RRP1B: variants seen among roughly 807,000 people sequenced by gnomAD.
RRP1B encodes the protein ribosomal RNA processing 1B.
A neutral mutation model predicts 80.2 loss-of-function variants in RRP1B; 56 were observed. The ratio of observed to expected loss-of-function variants is 0.70; its 90% CI spans 0.56 to 0.87. RRP1B has a LOEUF of 0.87. Ranked by LOEUF, RRP1B falls within the 40% of genes least tolerant of loss-of-function variation. The probability of loss-of-function intolerance (pLI) is 0.00; values close to 1 mark genes in which losing one functional copy is unlikely to be tolerated. For missense variants in RRP1B, 807 were observed against 939.8 expected, an observed-to-expected ratio of 0.86 and a Z score of 1.85; for synonymous variants, 351 against 357.6, an observed-to-expected ratio of 0.98 and a Z score of 0.21.
chr21:43,673,634 CAAAAAA>C (rs557525643), intron 3 of RRP1B, among the ~76,000 whole-genome samples: 1 of 66,076 alleles, frequency 1.5e-5, no homozygotes, highest in African/African-American at 3.9e-5. Context: ...ACCCCGTCTC[CAAAAAA>C]AAAAAAAAAA....
chr21:43,660,928 A>T (rs994128920), intron 1 of RRP1B, among the ~76,000 whole-genome samples: 2 of 152,238 alleles, frequency 1.3e-5, no homozygotes, highest in Admixed American at 6.5e-5. Flanking sequence ...GAGCCCATAC[A>T]ATATGAACTA....
rs372795311 is a variant in RRP1B, at chr21:43,693,187, C to T, written c.2084-3C>T. On this transcript the variant is annotated splice_polypyrimidine_tract_variant and splice_region_variant and intron_variant, in intron 15 of 15. Transcript: ENST00000340648. The surrounding 1 kb of genome is among the most constrained non-coding windows in gnomAD (Gnocchi z 4.1). ...TATGGGGCCTTGCTCTCATTTGGGA[C>T]AGAATTCAAGAAGACAGACAAGAGT... is the stretch of plus-strand genomic sequence containing the variant. 2.5e-6 allele frequency: 4 copies of T among 1,613,758 alleles called. No individual in the cohort carries two copies. In the African/African-American group the frequency reaches 5.3e-5, roughly 22 times the overall value.
At position 43,687,001 on chromosome 21, in the gene RRP1B, C is replaced by T. The variant is rs1601760438; in HGVS notation, c.1141+66C>T. ...TGGGGAGCGGCATGCACCATGGAGG[C>T]CTCGGAGACTTGAGCTCGTGCCGTC... On this transcript the variant is annotated intron_variant, in intron 12 of 15. Coordinates refer to ENST00000340648, the MANE Select transcript of RRP1B (RefSeq NM_015056.3). 6 of 1,550,148 alleles carry T rather than the reference C, an allele frequency of 3.9e-6. No homozygotes were observed. The East Asian group carries it at 1.1e-4, about 29-fold the overall frequency.
Position 43,683,371 on chromosome 21 carries a change from C to T in RRP1B, c.889C>T (p.Gln297Ter). 6.2e-7 allele frequency: 1 copy of T among 1,612,558 alleles called. No homozygotes were observed. Among genetic ancestry groups the T allele is most frequent in the Non-Finnish European group, 8.5e-7 (1 of 1,178,590 alleles). ...GTFEDTGPLL[Q>*]FDYKAVADRL... is the part of the protein sequence containing the mutation. ...CTTTGAGGACACAGGGCCCCTTCTC[C>T]AGGTGGGTAGCAGTTGTTGCTTTTT... The change falls in exon 9 of 16, where the codon CAG (glutamine) becomes TAG (stop). Residue 297 changes from glutamine to a stop codon, truncating the protein, a stop_gained and splice_region_variant. Transcript: ENST00000340648. LOFTEE classifies it high-confidence loss of function.
chr21:43,671,098 T>C (rs192634762), intron 2 of RRP1B, among the ~76,000 whole-genome samples: 122 of 151,862 alleles, frequency 8.0e-4, no homozygotes, highest in African/African-American at 2.9e-3. Context: ...TGATGAGGAG[T>C]GTGCTTTTCT....
intron 8 of RRP1B, among the ~76,000 whole-genome samples, chr21:43,680,914 A>G (rs948017240): frequency 5.3e-5 from 8 of 152,050 alleles, no homozygotes; most frequent in African/African-American, 1.7e-4. Flanking sequence ...GTACTTCTCT[A>G]TTTCCTACAG....
chr21:43,680,287 C>T (rs61439366), intron 8 of RRP1B, among the ~76,000 whole-genome samples: 3 of 152,004 alleles, frequency 2.0e-5, no homozygotes, highest in African/African-American at 4.8e-5. Flanking sequence ...CGGCCGGGCG[C>T]GGTGGCCCAG....
intron 15 of RRP1B, among the ~76,000 whole-genome samples, chr21:43,692,898 C>T (rs569737000): frequency 6.6e-6 from 1 of 152,228 alleles, no homozygotes; most frequent in South Asian, 2.1e-4. Context: ...TCCAAAACAC[C>T]CCCACCCCCA....
chr21:43,687,560 C>T lies in RRP1B; in HGVS notation c.1186C>T (p.Leu396Phe). 1.3e-6 allele frequency: 2 copies of T among 1,502,970 alleles called. No individual in the cohort carries two copies. Among genetic ancestry groups the T allele is most frequent in the Non-Finnish European group, 1.8e-6 (2 of 1,134,326 alleles). The allele number at this position is 1,502,970 out of a possible 1,614,324, so 93.1% of individuals were successfully genotyped here. Reference protein sequence around the residue: ...CVEEEDSESSLQKRRRKKKKK... With the variant: ...CVEEEDSESSFQKRRRKKKKK... ...AGAGGAAGAGGACAGTGAAAGCAGT[C>T]TTCAAAAGAGAAGAAGGAAGAAGAA... Residue 396 changes from leucine to phenylalanine, a missense_variant, in exon 13 of 16, where the codon CTT (leucine) becomes TTT (phenylalanine). Physicochemically the swap from Leu to Phe is conservative, Grantham distance 22. Coordinates refer to ENST00000340648, the MANE Select transcript of RRP1B (RefSeq NM_015056.3).
In RRP1B at chr21:43,689,786, C is replaced by T. The variant is rs542178715; in HGVS notation, c.1867-502C>T. Among the ~76,000 whole-genome samples the T allele has an allele frequency of 8.0e-4, 122 of 152,340 alleles. 1 individual carries two copies. The highest frequency in any genetic ancestry group is 2.8e-3 in the African/African-American group (117 of 41,582). On this transcript the variant is annotated intron_variant, in intron 13 of 15. Coordinates refer to ENST00000340648, the MANE Select transcript of RRP1B (RefSeq NM_015056.3). The stretch of plus-strand genomic sequence containing the variant: ...GCCGGAGCCACCCGTGTGTCGGCAG[C>T]GGCACTGGGCTGCCCACACCTCTGA...
chr21:43,683,639 G>A (rs929474737), intron 9 of RRP1B, among the ~76,000 whole-genome samples: 8 of 152,062 alleles, frequency 5.3e-5, no homozygotes, highest in African/African-American at 1.9e-4. Flanking sequence ...AGCTCTAGTG[G>A]CACTTTTCAA....
intron 15 of RRP1B, among the ~76,000 whole-genome samples, chr21:43,692,906 C>A (rs549006079): frequency 1.4e-4 from 22 of 152,176 alleles, no homozygotes; most frequent in African/African-American, 5.3e-4. Context: ...ACCCCCACCC[C>A]CAATGTTCAC....
chr21:43,676,402 G>T (rs528025793), intron 7 of RRP1B, 66 bp downstream of exon 7: 3 of 1,247,926 alleles, frequency 2.4e-6, no homozygotes. Flanking sequence ...ACTTGCCGTC[G>T]TGCAGCCTGG....
At chr21:43,666,337 G>A (rs1485753008) in intron 1 of RRP1B, among the ~76,000 whole-genome samples, 1 of 152,192 alleles carries the variant, frequency 6.6e-6, no homozygotes, top group Non-Finnish European at 1.5e-5. Flanking sequence ...CAATCTTTGG[G>A]GCAGCAGAGG....
Position 43,693,947 on chromosome 21 carries a change from G to A in RRP1B, c.*564G>A, listed in dbSNP as rs1270133993. 6.6e-6 allele frequency: 1 copy of A among 152,382 alleles called. No individual in the cohort carries two copies. The highest frequency in any genetic ancestry group is 1.5e-5 in the Non-Finnish European group (1 of 68,128). The allele number at this position is 152,382 out of a possible 1,614,324, so 9.4% of individuals were successfully genotyped here. On this transcript the variant is annotated 3_prime_UTR_variant, in exon 16 of 16. Coordinates refer to ENST00000340648, the MANE Select transcript of RRP1B (RefSeq NM_015056.3). This position sits in a 1 kb window ranked among gnomAD's most constrained non-coding sequence, Gnocchi z 4.1. The stretch of plus-strand genomic sequence containing the variant: ...GCAATACCATAGTTTTTCTACATGT[G>A]CTCAGCTGGGGGTGTGGACAGGTAG...
At position 43,659,889 on chromosome 21, in the gene RRP1B, C is replaced by T; in HGVS notation, c.130+95C>T. Reference sequence around the variant, plus strand: ...GCCCCGGCACGGAATGCGGCTTCCACGTGTTGTCGTGACACCCAGCGTGTG... The same window carrying T: ...GCCCCGGCACGGAATGCGGCTTCCATGTGTTGTCGTGACACCCAGCGTGTG... On this transcript the variant is annotated intron_variant, in intron 1 of 15. Coordinates refer to ENST00000340648, the MANE Select transcript of RRP1B (RefSeq NM_015056.3). This position sits in a 1 kb window ranked among gnomAD's most constrained non-coding sequence, Gnocchi z 4.2. 1 of 1,281,734 alleles carries T rather than the reference C, an allele frequency of 7.8e-7. No individual in the cohort carries two copies. Among genetic ancestry groups the T allele is most frequent in the East Asian group, 3.1e-5 (1 of 31,996 alleles). The allele number at this position is 1,281,734 out of a possible 1,614,324, so 79.4% of individuals were successfully genotyped here.
At chr21:43,661,160 T>G (rs1476212539) in intron 1 of RRP1B, among the ~76,000 whole-genome samples, 1 of 152,198 alleles carries the variant, frequency 6.6e-6, no homozygotes, top group African/African-American at 2.4e-5. Flanking sequence ...CTGACTTTGA[T>G]TCTGTTAAGA....
At position 43,687,454 on chromosome 21, in the gene RRP1B, C is replaced by T. The variant is rs555420282; in HGVS notation, c.1142-62C>T. 4.6e-5 allele frequency: 67 copies of T among 1,442,532 alleles called. 1 individual carries two copies. The East Asian group carries it at 8.1e-4, about 18-fold the overall frequency. 89.4% of individuals were successfully genotyped at this position (1,442,532 alleles called of 1,614,324 possible). On this transcript the variant is annotated intron_variant, in intron 12 of 15. Transcript: ENST00000340648. The stretch of plus-strand genomic sequence containing the variant: ...TCCGCCAGTCATACTGTCTGAGAAT[C>T]GCCAGCAGGACTCTGGCCCAGCTGG...
chr21:43,691,441 A>G lies in RRP1B; in HGVS notation c.2022A>G (p.Leu674=), dbSNP rs1200273970. 6.2e-7 allele frequency: 1 copy of G among 1,613,736 alleles called. No homozygotes were observed. Among genetic ancestry groups the G allele is most frequent in the African/African-American group, 1.3e-5 (1 of 74,900 alleles). ...TTCCTGTTATTTCTCTTCTGCAGCT[A>G]AACAAGACACCATCCAGCTCCAAGA... is the stretch of plus-strand genomic sequence containing the variant. The part of the protein sequence containing the change: ...ATHPPGPAVQ[L]NKTPSSSKKV... The change falls in exon 15 of 16, where the codon CTA becomes CTG. Residue 674 remains leucine, a splice_region_variant and synonymous_variant. Coordinates refer to ENST00000340648, the MANE Select transcript of RRP1B (RefSeq NM_015056.3). This position sits in a 1 kb window ranked among gnomAD's most constrained non-coding sequence, Gnocchi z 4.2.
Sources: gnomAD v4.1 joint callset for allele counts (sites outside exome capture counted in the v4.1 genomes callset) on GRCh38, gnomAD v4.1.1 for gene constraint, Gnocchi (gnomAD v3.1) non-coding constraint, MANE v1.5 for transcripts, NCBI Gene and HGNC (gene_info 2026-07-23, HGNC 2026-07-21) for gene names.